The following XYLB variants were observed in gnomAD, a reference collection of about 807,000 sequenced individuals.
XYLB encodes the protein xylulose kinase.
Under a neutral mutation model 78.7 loss-of-function variants are expected in XYLB, and 62 were observed. The observed-to-expected ratio is 0.79, with a 90% CI of 0.64 to 0.97. The LOEUF is 0.97. Ranked by LOEUF, XYLB falls within the 50% of genes least tolerant of loss-of-function variation. The pLI is 0.00. For missense variants in XYLB, 687 were observed against 676.8 expected, an observed-to-expected ratio of 1.02 and a Z score of -0.17; for synonymous variants, 245 against 247.4, an observed-to-expected ratio of 0.99 and a Z score of 0.09.
At chr3:38,352,455 C>T (rs1249588287) in intron 2 of XYLB, among the ~76,000 whole-genome samples, 1 of 152,172 alleles carries the variant, frequency 6.6e-6, no homozygotes, top group African/African-American at 2.4e-5. Context: ...AGTATGCTTT[C>T]TCTTGTATGA....
intron 6 of XYLB, 151 bp from the exon 7 acceptor site, chr3:38,366,657 G>A (rs550899574): frequency 8.5e-6 from 5 of 587,046 alleles, no homozygotes; most frequent in South Asian, 4.4e-5. Context: ...GATTACAAGC[G>A]CACACTACTG....
intron 2 of XYLB, chr3:38,356,076 C>A: frequency 3.8e-6 from 1 of 263,180 alleles, no homozygotes; most frequent in Non-Finnish European, 7.2e-6. Flanking sequence ...GCAGTGAAAC[C>A]CCGTCTCTAC....
rs1421750603 is a variant in XYLB at position 38,376,196 on chromosome 3, C to G, written c.1084C>G (p.Leu362Val). Residue 362 changes from leucine to valine, a missense_variant, in exon 13 of 19, where the codon CTG becomes GTG. Leu to Val is a conservative substitution (Grantham distance 32, BLOSUM62 1). Coordinates refer to ENST00000207870, the MANE Select transcript of XYLB (RefSeq NM_005108.4). ...TTCCTGGAGCGATTTCTCTAAGGCA[C>G]TGCAGTCCACAGAGATGGGCAACGG... is the stretch of plus-strand genomic sequence containing the variant. ...SRSWSDFSKA[L>V]QSTEMGNGGN... The G allele has an allele frequency of 1.2e-6, 2 of 1,613,918 alleles. No individual in the cohort carries two copies. Among genetic ancestry groups the G allele is most frequent in the Non-Finnish European group, 1.7e-6 (2 of 1,179,890 alleles).
downstream of XYLB, among the ~76,000 whole-genome samples, chr3:38,423,291 C>T (rs1277669097): frequency 6.6e-6 from 1 of 152,150 alleles, no homozygotes; most frequent in African/African-American, 2.4e-5. Flanking sequence ...CCAGGATGGT[C>T]TCGATCTCCT....
Position 38,413,433 on chromosome 3 carries a change from C to G in XYLB, c.*420C>G, listed in dbSNP as rs1434586963. On this transcript the variant is annotated 3_prime_UTR_variant, in exon 19 of 19. Coordinates refer to ENST00000207870, the MANE Select transcript of XYLB (RefSeq NM_005108.4). ...CTCTTTCTCCAACCCTGACTGCCCA[C>G]TCCTCCACAAACCGTGACCCATAGC... 6.2e-6 allele frequency: 1 copy of G among 160,848 alleles called. No individual in the cohort carries two copies. The highest frequency in any genetic ancestry group is 2.4e-5 in the African/African-American group (1 of 41,750). 10.0% of individuals were successfully genotyped at this position (160,848 alleles called of 1,614,324 possible). A position where few individuals can be genotyped will look rare whatever the true frequency, so the allele number is the denominator to read the frequency against.
chr3:38,362,939 A>G lies in XYLB; in HGVS notation c.213A>G (p.Ala71=). Reference sequence around the variant, plus strand: ...GTGGGTTCTGTTTTTCTTCTTAGGCACTGGATATCATCTTGGAGAAGATGA... The same window carrying G: ...GTGGGTTCTGTTTTTCTTCTTAGGCGCTGGATATCATCTTGGAGAAGATGA... The part of the protein sequence containing the change: ...VTSPVLMWVQ[A]LDIILEKMKA... The change falls in exon 4 of 19, where the codon GCA becomes GCG. Residue 71 remains alanine, a splice_region_variant and synonymous_variant. Transcript: ENST00000207870. 1 of 1,573,634 alleles carries G rather than the reference A, an allele frequency of 6.4e-7. No individual in the cohort carries two copies.
chr3:38,388,263 G>T (rs1275844735), intron 15 of XYLB, among the ~76,000 whole-genome samples: 1 of 150,834 alleles, frequency 6.6e-6, no homozygotes, highest in Non-Finnish European at 1.5e-5. Flanking sequence ...ATGTCGGTCA[G>T]TGGATTAAAA....
chr3:38,365,913 GC>G (rs894193221), intron 6 of XYLB, among the ~76,000 whole-genome samples, 177 bp downstream of exon 6: 1 of 152,256 alleles, frequency 6.6e-6, no homozygotes, highest in African/African-American at 2.4e-5. Flanking sequence ...GTGTTCCCAG[GC>G]CAGGCTGGGT....
At chr3:38,439,235 C>T in the XYLB span, among the ~76,000 whole-genome samples, 1 of 152,112 alleles carries the variant, frequency 6.6e-6, no homozygotes, top group African/African-American at 2.4e-5. Flanking sequence ...GAACTCTAGG[C>T]CAGCCAAAGG....
the XYLB span, among the ~76,000 whole-genome samples, chr3:38,429,136 G>A: frequency 6.6e-6 from 1 of 152,164 alleles, no homozygotes; most frequent in Non-Finnish European, 1.5e-5. Context: ...ATCCAACTCA[G>A]CACAATTCTG....
chr3:38,379,406 G>A (rs1575496559), intron 15 of XYLB, 64 bp downstream of exon 15: 1 of 1,534,328 alleles, frequency 6.5e-7, no homozygotes, highest in Non-Finnish European at 9.0e-7. Context: ...ACTCGCAGGG[G>A]CCAGGGCTAG....
At position 38,387,674 on chromosome 3, in the gene XYLB, C is replaced by T. The variant is rs145604314; in HGVS notation, c.1292-7831C>T. 1.3e-3 allele frequency among the ~76,000 whole-genome samples: 201 copies of T among 152,300 alleles called. 1 individual carries two copies. The highest frequency in any genetic ancestry group is 6.8e-3 in the Middle Eastern group (2 of 292). ...GGCATGAGTCACTGTGCCCGGACTT[C>T]AGATGGACAATTTCTATCACACCTC... On this transcript the variant is annotated intron_variant, in intron 15 of 18. Coordinates refer to ENST00000207870, the MANE Select transcript of XYLB (RefSeq NM_005108.4).
downstream of XYLB, among the ~76,000 whole-genome samples, chr3:38,416,161 A>G (rs1016478302): frequency 6.6e-6 from 1 of 152,184 alleles, no homozygotes; most frequent in African/African-American, 2.4e-5. Flanking sequence ...CAAACTATAT[A>G]TGCTTTGACA....
chr3:38,420,359 T>C (rs1708936832), exon 18 of XYLB, among the ~76,000 whole-genome samples: 1 of 152,234 alleles, frequency 6.6e-6, no homozygotes, highest in East Asian at 1.9e-4. Context: ...AGAGCAATAA[T>C]CCTTGCCTTG....
At chr3:38,428,245 T>C in the XYLB span, among the ~76,000 whole-genome samples, 13 of 152,308 alleles carry the variant, frequency 8.5e-5, no homozygotes, top group African/African-American at 3.1e-4. Flanking sequence ...GCCCAGCATA[T>C]AGTTTAATTT....
chr3:38,379,233 T>C lies in XYLB; in HGVS notation c.1195-13T>C. The C allele has an allele frequency of 6.2e-7, 1 of 1,613,968 alleles. No homozygotes were observed. Among genetic ancestry groups the C allele is most frequent in the Non-Finnish European group, 8.5e-7 (1 of 1,179,902 alleles). On this transcript the variant is annotated splice_polypyrimidine_tract_variant and intron_variant, in intron 14 of 18. Coordinates refer to ENST00000207870, the MANE Select transcript of XYLB (RefSeq NM_005108.4). ...GAGTTCCTTACTCTGTGCCCACCTT[T>C]TCCTGGAGACAGGTTGCAGCATTCC...
At chr3:38,439,486 G>A in the XYLB span, among the ~76,000 whole-genome samples, 1 of 152,254 alleles carries the variant, frequency 6.6e-6, no homozygotes, top group Non-Finnish European at 1.5e-5. Context: ...AAGGCGGCCA[G>A]ACGCAGTGGC....
intron 8 of XYLB, 118 bp from the exon 9 acceptor site, chr3:38,369,938 G>C: frequency 1.1e-6 from 1 of 872,188 alleles, no homozygotes; most frequent in Non-Finnish European, 1.9e-6. Context: ...CTTCCATGAA[G>C]AAAGAGCTCC....
At chr3:38,405,863 G>A (rs1355503278) in intron 18 of XYLB, among the ~76,000 whole-genome samples, 1 of 152,242 alleles carries the variant, frequency 6.6e-6, no homozygotes, top group African/African-American at 2.4e-5. Flanking sequence ...GGCTTGCTTA[G>A]GTAAACAAAG....
Sources: allele counts gnomAD v4.1 joint callset (sites outside exome capture counted in the v4.1 genomes callset), GRCh38; gene constraint gnomAD v4.1.1; transcripts MANE v1.5; gene names NCBI Gene and HGNC (gene_info 2026-07-23, HGNC 2026-07-21).